SLC35F1: variants seen among roughly 807,000 people sequenced by gnomAD.
The protein encoded by SLC35F1 is solute carrier family 35 member F1, also known as chromosome 6 open reading frame 169.
In SLC35F1, 14 loss-of-function variants were observed where a neutral mutation model predicts 48.7. The ratio of observed to expected loss-of-function variants is 0.29; its 90% CI spans 0.19 to 0.45. The LOEUF (loss-of-function observed/expected upper bound fraction) is 0.45, where lower values mean the gene tolerates loss of function less well. SLC35F1 is among the 20% of genes least tolerant of loss of function. The probability of loss-of-function intolerance (pLI) is 1.00; values close to 1 mark genes in which losing one functional copy is unlikely to be tolerated. For synonymous variants in SLC35F1, 190 were observed against 202.2 expected, an observed-to-expected ratio of 0.94 and a Z score of 0.51; for missense variants, 404 against 500.0, an observed-to-expected ratio of 0.81 and a Z score of 1.83.
chr6:117,992,468 CTT>C (rs1288021389), intron 1 of SLC35F1, among the ~76,000 whole-genome samples: 1 of 152,198 alleles, frequency 6.6e-6, no homozygotes, highest in East Asian at 1.9e-4. Context: ...TTCTTCGCCT[CTT>C]GTCTTCTCTC....
At chr6:118,152,118 A>G (rs1283335111) in intron 1 of SLC35F1, among the ~76,000 whole-genome samples, 1 of 152,202 alleles carries the variant, frequency 6.6e-6, no homozygotes, top group Non-Finnish European at 1.5e-5. Flanking sequence ...AGAAGACGGA[A>G]CACTTCTCAA....
intron 1 of SLC35F1, among the ~76,000 whole-genome samples, chr6:118,083,847 A>G (rs1328331351): frequency 6.6e-6 from 1 of 152,236 alleles, no homozygotes; most frequent in Non-Finnish European, 1.5e-5. Context: ...TCAGCTTCAC[A>G]AATGCAAACT....
intron 2 of SLC35F1, among the ~76,000 whole-genome samples, chr6:118,221,330 G>A (rs967185643): frequency 3.3e-5 from 5 of 152,122 alleles, no homozygotes; most frequent in African/African-American, 9.7e-5. Flanking sequence ...AGGCACCTCC[G>A]CAAAAACAGA....
At chr6:118,233,201 G>GT (rs1775318043) in intron 2 of SLC35F1, among the ~76,000 whole-genome samples, 1 of 152,186 alleles carries the variant, frequency 6.6e-6, no homozygotes, top group Non-Finnish European at 1.5e-5. Context: ...TCTTGACCTC[G>GT]TGATCTGCCC....
At chr6:117,946,303 C>G (rs918042395) in intron 1 of SLC35F1, among the ~76,000 whole-genome samples, 8 of 152,214 alleles carry the variant, frequency 5.3e-5, no homozygotes, top group Non-Finnish European at 1.2e-4. Flanking sequence ...TATAAATAAA[C>G]TGATTATGAA....
chr6:118,127,607 A>T (rs1258320895), intron 1 of SLC35F1, among the ~76,000 whole-genome samples: 3 of 152,066 alleles, frequency 2.0e-5, no homozygotes, highest in African/African-American at 7.2e-5. Flanking sequence ...GGCTAGCCAT[A>T]TGTAGAAAGC....
At chr6:118,183,000 G>A (rs942981234) in intron 2 of SLC35F1, among the ~76,000 whole-genome samples, 9 of 152,088 alleles carry the variant, frequency 5.9e-5, no homozygotes, top group East Asian at 3.9e-4. Flanking sequence ...ATTGTTTTTC[G>A]AAATGTGCAC....
In SLC35F1 at chr6:117,959,997, G is replaced by C. The variant is rs538464504; in HGVS notation, c.173+52098G>C. ...TTCAAATCCAGGAATTTCTGACTCT[G>C]AATCCACACACTTTTCAGTATCATC... is the stretch of plus-strand genomic sequence containing the variant. On this transcript the variant is annotated intron_variant, in intron 1 of 7. Coordinates refer to ENST00000360388, the MANE Select transcript of SLC35F1 (RefSeq NM_001029858.4). Among the ~76,000 whole-genome samples, 24 of 152,136 alleles carry C rather than the reference G, an allele frequency of 1.6e-4. No homozygotes were observed. In the South Asian group the frequency reaches 5.0e-3, roughly 32 times the overall value.
chr6:118,197,643 G>A (rs973045957), intron 2 of SLC35F1, among the ~76,000 whole-genome samples: 5 of 152,076 alleles, frequency 3.3e-5, no homozygotes, highest in African/African-American at 1.2e-4. Flanking sequence ...TAAAGACTGT[G>A]GCCTGAGGCC....
In SLC35F1 at chr6:117,982,835, GT is replaced by G. The variant is rs887241528; in HGVS notation, c.173+74945del. 7.3e-5 allele frequency among the ~76,000 whole-genome samples: 11 copies of G among 151,534 alleles called. No individual in the cohort carries two copies. The East Asian group carries it at 7.8e-4, about 11-fold the overall frequency. On this transcript the variant is annotated intron_variant, in intron 1 of 7. Transcript: ENST00000360388. ...TATGGAACTGAAACAAAAAAACGTAGTTTTTTTTTCTCCAAATTTTCTGTAC... is the reference window on the plus strand; with the variant it reads ...TATGGAACTGAAACAAAAAAACGTAGTTTTTTTTCTCCAAATTTTCTGTAC...
intron 2 of SLC35F1, among the ~76,000 whole-genome samples, chr6:118,184,436 A>G (rs1774628122): frequency 2.0e-5 from 3 of 152,208 alleles, no homozygotes; most frequent in Admixed American, 1.3e-4. Flanking sequence ...TTCTCTCCTC[A>G]GGACCAAGAT....
intron 1 of SLC35F1, among the ~76,000 whole-genome samples, chr6:117,945,168 G>A (rs2114822875): frequency 6.6e-6 from 1 of 152,244 alleles, no homozygotes; most frequent in South Asian, 2.1e-4. Flanking sequence ...GGGCTCCGAG[G>A]GCCAGTGCTG....
intron 1 of SLC35F1, among the ~76,000 whole-genome samples, chr6:118,080,487 C>G (rs1256629327): frequency 6.6e-6 from 1 of 152,130 alleles, no homozygotes; most frequent in African/African-American, 2.4e-5. Flanking sequence ...GCTTTGATCC[C>G]TGTCTTAAAA....
chr6:118,119,283 T>C (rs1055642820), intron 1 of SLC35F1, among the ~76,000 whole-genome samples: 1 of 152,182 alleles, frequency 6.6e-6, no homozygotes, highest in African/African-American at 2.4e-5. Flanking sequence ...GAGATGTATA[T>C]ATTATTGGCT....
chr6:118,286,142 G>A (rs941096523), intron 7 of SLC35F1, among the ~76,000 whole-genome samples: 14 of 152,176 alleles, frequency 9.2e-5, no homozygotes, highest in Non-Finnish European at 1.5e-5. Flanking sequence ...CTATGACCCA[G>A]TGTGAAACAG....
chr6:118,111,467 C>T (rs968249801), intron 1 of SLC35F1, among the ~76,000 whole-genome samples: 6 of 152,110 alleles, frequency 3.9e-5, no homozygotes, highest in Admixed American at 3.3e-4. Flanking sequence ...AAGAGAAAAA[C>T]TCCACCAACC....
intron 1 of SLC35F1, among the ~76,000 whole-genome samples, chr6:117,924,513 C>CATATGTATATACGTAT (rs1554216932): frequency 6.9e-6 from 1 of 144,380 alleles, no homozygotes; most frequent in African/African-American, 2.8e-5. Flanking sequence ...TACGTATATA[C>CATATGTATATACGTAT]ATATATATAT....
At chr6:118,036,814 G>C (rs1026568420) in intron 1 of SLC35F1, among the ~76,000 whole-genome samples, 3 of 152,168 alleles carry the variant, frequency 2.0e-5, no homozygotes, top group African/African-American at 7.2e-5. Flanking sequence ...TCCTGCCTTG[G>C]CCTCCCAATA....
rs549535437 is a variant in SLC35F1, at chr6:118,316,978, T to A, written c.*2726T>A. 6.5e-6 allele frequency: 1 copy of A among 152,726 alleles called. No individual in the cohort carries two copies. The highest frequency in any genetic ancestry group is 1.9e-4 in the East Asian group (1 of 5,188). The allele number at this position is 152,726 out of a possible 1,614,324, so 9.5% of individuals were successfully genotyped here. On this transcript the variant is annotated 3_prime_UTR_variant, in exon 8 of 8. Coordinates refer to ENST00000360388, the MANE Select transcript of SLC35F1 (RefSeq NM_001029858.4). ...GTAAAAAACACTGATCCTTTGGGAATGGGGCGGGAAATGGGAGTAGGACAA... is the reference window on the plus strand; with the variant it reads ...GTAAAAAACACTGATCCTTTGGGAAAGGGGCGGGAAATGGGAGTAGGACAA...
Sources: allele counts gnomAD v4.1 joint callset (sites outside exome capture counted in the v4.1 genomes callset), GRCh38; gene constraint gnomAD v4.1.1; transcripts MANE v1.5; gene names NCBI Gene and HGNC (gene_info 2026-07-23, HGNC 2026-07-21).